The following KDM4C variants were observed in gnomAD, a reference collection of about 807,000 sequenced individuals.
The protein encoded by KDM4C is lysine-specific demethylase 4C.
A neutral mutation model predicts 129.3 loss-of-function variants in KDM4C; 81 were observed. The observed-to-expected ratio is 0.63, with a 90% CI of 0.52 to 0.75. The LOEUF (loss-of-function observed/expected upper bound fraction) is 0.75, where lower values mean the gene tolerates loss of function less well. Ranked by LOEUF, KDM4C falls within the 30% of genes least tolerant of loss-of-function variation. The pLI, the probability that KDM4C is intolerant of heterozygous loss-of-function variation, is 0.00. For missense variants in KDM4C, 1,457 were observed against 1,304.0 expected (o/e 1.12, Z -1.81); for synonymous variants, 573 against 456.1 (o/e 1.26, Z -3.26).
intron 18 of KDM4C, among the ~76,000 whole-genome samples, chr9:7,116,813 C>G (rs1180622369): frequency 6.6e-6 from 1 of 152,124 alleles, no homozygotes; most frequent in African/African-American, 2.4e-5. Flanking sequence ...TTCTCTTTCT[C>G]TGTCATTCTC....
At chr9:6,741,817 C>T (rs1191712889) in intron 1 of KDM4C, among the ~76,000 whole-genome samples, 1 of 151,318 alleles carries the variant, frequency 6.6e-6, no homozygotes, top group East Asian at 1.9e-4. Context: ...ATTCACCTGC[C>T]TTGGTCTCCC....
In KDM4C at chr9:7,061,757, T is replaced by C. The variant is rs115741894; in HGVS notation, c.2424+12557T>C. Among the ~76,000 whole-genome samples the C allele has an allele frequency of 4.0e-4, 61 of 152,364 alleles. 1 individual carries two copies. The highest frequency in any genetic ancestry group is 1.5e-3 in the African/African-American group (61 of 41,590). ...TAGTGTTCCAGAGACCCTCTTTTAC[T>C]GGCTCTGAGAGTAAACCTTCAGGTT... On this transcript the variant is annotated intron_variant, in intron 17 of 21. Coordinates refer to ENST00000381309, the MANE Select transcript of KDM4C (RefSeq NM_015061.6).
intron 1 of KDM4C, among the ~76,000 whole-genome samples, chr9:6,730,311 A>C (rs1817280140): frequency 6.6e-6 from 1 of 152,084 alleles, no homozygotes; most frequent in Non-Finnish European, 1.5e-5. Flanking sequence ...AACTGAATTA[A>C]ATTTAAAATA....
intron 4 of KDM4C, among the ~76,000 whole-genome samples, chr9:6,830,996 G>C (rs1564111835): frequency 6.6e-6 from 1 of 152,198 alleles, no homozygotes; most frequent in Non-Finnish European, 1.5e-5. Flanking sequence ...GGTATTAGTG[G>C]TTAAGAAAAG....
At chr9:6,978,865 T>C (rs1480986001) in intron 8 of KDM4C, 1 of 152,196 alleles carries the variant, frequency 6.6e-6, no homozygotes, top group Non-Finnish European at 1.5e-5. Context: ...CACTCCTCTT[T>C]GACCATGGCT....
chr9:7,144,238 A>T (rs1029686833), intron 19 of KDM4C, among the ~76,000 whole-genome samples: 21 of 151,972 alleles, frequency 1.4e-4, no homozygotes, highest in Non-Finnish European at 2.4e-4. Flanking sequence ...GGCCAAGGTG[A>T]GAGAGATTAC....
chr9:6,985,719 C>G (rs1429793214), intron 10 of KDM4C, among the ~76,000 whole-genome samples: 1 of 152,020 alleles, frequency 6.6e-6, no homozygotes, highest in African/African-American at 2.4e-5. Flanking sequence ...GAGACAGAGT[C>G]TCTCTCTGTC....
chr9:7,166,161 A>G lies in KDM4C; in HGVS notation c.2901+804A>G, dbSNP rs888769216. 3.3e-5 allele frequency among the ~76,000 whole-genome samples: 5 copies of G among 152,308 alleles called. No homozygotes were observed. In the East Asian group the frequency reaches 9.6e-4, roughly 29 times the overall value. Reference sequence around the variant, plus strand: ...TCAGGCTAAACTGTAGAGTGAAAACAAGAAGGTTGAAGTAAAAGGAGAAAA... The same window carrying G: ...TCAGGCTAAACTGTAGAGTGAAAACGAGAAGGTTGAAGTAAAAGGAGAAAA... On this transcript the variant is annotated intron_variant, in intron 20 of 21. Transcript: ENST00000381309.
chr9:7,143,007 T>C (rs1258480189), intron 19 of KDM4C, among the ~76,000 whole-genome samples: 1 of 152,196 alleles, frequency 6.6e-6, no homozygotes, highest in East Asian at 1.9e-4. Context: ...AGCAGGCCCA[T>C]CTCCTTTTAT....
At chr9:6,834,739 T>A in intron 4 of KDM4C, 1 of 1,000,318 alleles carries the variant, frequency 1.0e-6, no homozygotes, top group Non-Finnish European at 1.6e-6. Flanking sequence ...GGGAGCTGCA[T>A]GTGGTTCCCG....
chr9:6,816,488 G>T (rs1832112836), intron 4 of KDM4C, among the ~76,000 whole-genome samples: 1 of 152,144 alleles, frequency 6.6e-6, no homozygotes, highest in Non-Finnish European at 1.5e-5. Flanking sequence ...GCTCAGTGTG[G>T]CCTGTTTCTG....
chr9:6,807,142 G>C (rs1300017247), intron 3 of KDM4C, among the ~76,000 whole-genome samples: 4 of 151,898 alleles, frequency 2.6e-5, no homozygotes, highest in African/African-American at 9.7e-5. Context: ...CGCCAGCCTC[G>C]GCCTCCCGAG....
intron 4 of KDM4C, among the ~76,000 whole-genome samples, chr9:6,843,264 C>G (rs1346165101): frequency 6.6e-6 from 1 of 152,176 alleles, no homozygotes; most frequent in Non-Finnish European, 1.5e-5. Context: ...TGCTGACAGC[C>G]CTCTTTGAAG....
upstream of KDM4C, among the ~76,000 whole-genome samples, chr9:6,756,585 C>G (rs1290014886): frequency 6.6e-6 from 1 of 152,166 alleles, no homozygotes; most frequent in Non-Finnish European, 1.5e-5. Flanking sequence ...GGCGTGGTGG[C>G]GGGCGACTGT....
intron 5 of KDM4C, among the ~76,000 whole-genome samples, chr9:6,851,490 A>T (rs77690172): frequency 0.022 from 3,284 of 152,252 alleles, 60 homozygotes; most frequent in Non-Finnish European, 0.034. Context: ...TCTTTCTGAC[A>T]TTCACTTAAA....
At chr9:6,846,508 T>G (rs1837876306) in intron 4 of KDM4C, among the ~76,000 whole-genome samples, 1 of 152,100 alleles carries the variant, frequency 6.6e-6, no homozygotes, top group Non-Finnish European at 1.5e-5. Context: ...AGTTTAATAG[T>G]AGAGAACAAA....
At chr9:6,891,792 C>A (rs1182695204) in intron 7 of KDM4C, among the ~76,000 whole-genome samples, 1 of 151,824 alleles carries the variant, frequency 6.6e-6, no homozygotes, top group African/African-American at 2.4e-5. Flanking sequence ...CTTCTCCCTC[C>A]CAGAGATAAG....
At chr9:6,737,692 C>G (rs899109061) in intron 1 of KDM4C, among the ~76,000 whole-genome samples, 3 of 140,166 alleles carry the variant, frequency 2.1e-5, no homozygotes, top group African/African-American at 7.9e-5. Flanking sequence ...AAAAAGTGAG[C>G]AAAGGACATG....
intron 15 of KDM4C, among the ~76,000 whole-genome samples, chr9:7,027,368 T>G (rs1469568630): frequency 6.6e-6 from 1 of 152,188 alleles, no homozygotes; most frequent in African/African-American, 2.4e-5. Flanking sequence ...TTGGATAAAA[T>G]CCAGAGGAAT....
Sources: allele counts gnomAD v4.1 joint callset (sites outside exome capture counted in the v4.1 genomes callset), GRCh38; gene constraint gnomAD v4.1.1; transcripts MANE v1.5; gene names NCBI Gene and HGNC (gene_info 2026-07-23, HGNC 2026-07-21).